Variants in CCDC192 observed in about 807,000 individuals in gnomAD.
The protein encoded by CCDC192 is coiled-coil domain-containing protein 192.
At chr5:127,805,886 T>C (rs758235426) in intron 5 of CCDC192, among the ~76,000 whole-genome samples, 3 of 152,190 alleles carry the variant, frequency 2.0e-5, no homozygotes, top group East Asian at 3.8e-4. Flanking sequence ...TCTGGAAAGA[T>C]TGAATATCAT....
At chr5:127,795,289 C>CAAAA (rs762627670) in intron 3 of CCDC192, among the ~76,000 whole-genome samples, 12 of 76,492 alleles carry the variant, frequency 1.6e-4, no homozygotes, top group African/African-American at 2.5e-4. Flanking sequence ...GACTCTATCT[C>CAAAA]AAAAAAAAAA....
intron 2 of CCDC192, among the ~76,000 whole-genome samples, chr5:127,729,561 A>G (rs903191930): frequency 1.3e-5 from 2 of 152,244 alleles, no homozygotes; most frequent in African/African-American, 4.8e-5. Flanking sequence ...AAACTACAGA[A>G]TATACATTCT....
chr5:127,804,048 C>T (rs910771004), intron 5 of CCDC192, among the ~76,000 whole-genome samples: 1 of 152,172 alleles, frequency 6.6e-6, no homozygotes, highest in African/African-American at 2.4e-5. Context: ...GGACGGGGGT[C>T]TCCCAAAATG....
rs189101750 is a variant in CCDC192, at chr5:127,772,178, C to T, written c.222+17803C>T. Among the ~76,000 whole-genome samples the T allele has an allele frequency of 9.3e-4, 142 of 152,172 alleles. 1 individual carries two copies. The Middle Eastern group carries it at 0.01, about 11-fold the overall frequency. ...TTCAGTGGTTCAAGAATGTCACCAA[C>T]GGCCAGGTGCAGTGGCTCACACCTG... is the stretch of plus-strand genomic sequence containing the variant. On this transcript the variant is annotated intron_variant, in intron 3 of 6. Transcript: ENST00000514853.
intron 5 of CCDC192, among the ~76,000 whole-genome samples, chr5:127,831,971 G>A (rs1749818295): frequency 6.6e-6 from 1 of 151,514 alleles, no homozygotes; most frequent in Non-Finnish European, 1.5e-5. Flanking sequence ...AAATAGCATA[G>A]TAAATTCAAA....
At chr5:127,929,068 G>C (rs1348715836) in intron 6 of CCDC192, among the ~76,000 whole-genome samples, 1 of 152,096 alleles carries the variant, frequency 6.6e-6, no homozygotes, top group Non-Finnish European at 1.5e-5. Context: ...CCCGGACTCA[G>C]CCATGTTATT....
At chr5:127,896,286 T>A (rs1384338279) in intron 6 of CCDC192, among the ~76,000 whole-genome samples, 1 of 152,178 alleles carries the variant, frequency 6.6e-6, no homozygotes, top group East Asian at 1.9e-4. Context: ...CAAATAATAA[T>A]AATAATAATT....
chr5:127,827,440 C>T (rs1165445138), intron 5 of CCDC192, among the ~76,000 whole-genome samples: 2 of 152,084 alleles, frequency 1.3e-5, no homozygotes, highest in Non-Finnish European at 2.9e-5. Context: ...AGAACAGATC[C>T]CAGTTGTTTA....
chr5:127,899,068 C>T (rs1752970818), intron 6 of CCDC192, among the ~76,000 whole-genome samples: 1 of 152,134 alleles, frequency 6.6e-6, no homozygotes, highest in Admixed American at 6.5e-5. Context: ...CTCACAGACA[C>T]ATTTTGAAAT....
intron 2 of CCDC192, among the ~76,000 whole-genome samples, chr5:127,733,741 C>T (rs1752779479): frequency 6.6e-6 from 1 of 151,994 alleles, no homozygotes; most frequent in Non-Finnish European, 1.5e-5. Flanking sequence ...TCTAAGTCTT[C>T]TATCACTGTA....
chr5:127,765,974 A>C (rs974400898), intron 3 of CCDC192, among the ~76,000 whole-genome samples: 2 of 152,190 alleles, frequency 1.3e-5, no homozygotes, highest in Non-Finnish European at 2.9e-5. Flanking sequence ...CTGCTCACTG[A>C]AATTCTTCCT....
intron 5 of CCDC192, among the ~76,000 whole-genome samples, chr5:127,842,898 C>T (rs959602674): frequency 6.6e-6 from 1 of 152,134 alleles, no homozygotes; most frequent in Non-Finnish European, 1.5e-5. Flanking sequence ...CTATACAGGG[C>T]CTGTTGGGAG....
intron 2 of CCDC192, among the ~76,000 whole-genome samples, chr5:127,729,338 T>A (rs567879693): frequency 1.3e-5 from 2 of 152,316 alleles, no homozygotes; most frequent in South Asian, 4.2e-4. Context: ...ATGCACCCAA[T>A]GCAGGAGCAC....
intron 6 of CCDC192, among the ~76,000 whole-genome samples, chr5:127,935,920 C>T (rs1754173670): frequency 6.6e-6 from 1 of 152,072 alleles, no homozygotes; most frequent in African/African-American, 2.4e-5. Context: ...CCCTGGTCAA[C>T]ATGGAGAAAT....
At chr5:127,932,494 A>G (rs1437727016) in intron 6 of CCDC192, among the ~76,000 whole-genome samples, 1 of 152,100 alleles carries the variant, frequency 6.6e-6, no homozygotes, top group Non-Finnish European at 1.5e-5. Context: ...ATGAGCCACC[A>G]TGCCCGGCCA....
intron 5 of CCDC192, among the ~76,000 whole-genome samples, chr5:127,832,490 A>C (rs1321192713): frequency 6.6e-6 from 1 of 152,242 alleles, no homozygotes; most frequent in Non-Finnish European, 1.5e-5. Flanking sequence ...TGATAAGGGC[A>C]TAAAACACGC....
chr5:127,756,409 G>A (rs1754596898), intron 3 of CCDC192, among the ~76,000 whole-genome samples: 1 of 152,186 alleles, frequency 6.6e-6, no homozygotes, highest in Non-Finnish European at 1.5e-5. Context: ...GGCCCGGGAA[G>A]TGGGGAGTGC....
At chr5:127,836,453 C>A (rs570518126) in intron 5 of CCDC192, among the ~76,000 whole-genome samples, 1 of 152,304 alleles carries the variant, frequency 6.6e-6, no homozygotes, top group South Asian at 2.1e-4. Context: ...CTAGGCAGTG[C>A]CCCAGTGGGG....
At chr5:127,752,300 G>T (rs1038754302) in intron 2 of CCDC192, among the ~76,000 whole-genome samples, 9 of 152,142 alleles carry the variant, frequency 5.9e-5, no homozygotes, top group African/African-American at 2.2e-4. Flanking sequence ...TGGTGTGGAT[G>T]TCCTTTCTGT....
Sources: allele counts gnomAD v4.1 joint callset (sites outside exome capture counted in the v4.1 genomes callset), GRCh38; gene constraint gnomAD v4.1.1; transcripts MANE v1.5; gene names NCBI Gene and HGNC (gene_info 2026-07-23, HGNC 2026-07-21).